Variants in OCA2 observed in about 807,000 individuals in gnomAD.
OCA2 encodes OCA2 melanosomal transmembrane protein.
OCA2 carries 77 observed loss-of-function variants against 100.2 expected under a neutral mutation model. That is an observed-to-expected ratio of 0.77 (90% CI 0.64 to 0.93). OCA2 has a LOEUF of 0.93. OCA2 is among the 40% of genes least tolerant of loss of function. The pLI is 0.00. For synonymous variants in OCA2, 432 were observed against 439.2 expected, an observed-to-expected ratio of 0.98 and a Z score of 0.21; for missense variants, 1,062 against 1,089.1, an observed-to-expected ratio of 0.98 and a Z score of 0.35.
chr15:27,742,645 A>G, the OCA2 span, among the ~76,000 whole-genome samples: 2 of 152,348 alleles, frequency 1.3e-5, no homozygotes, highest in African/African-American at 4.8e-5. Flanking sequence ...GGAAAGGATG[A>G]GCTGAAGAGA....
chr15:27,801,550 CA>C (rs34636608), intron 23 of OCA2, among the ~76,000 whole-genome samples: 1,918 of 37,704 alleles, frequency 0.051, 4 homozygotes, highest in African/African-American at 0.076. Flanking sequence ...GACTCGGTCT[CA>C]AAAAAAAAAA....
intron 23 of OCA2, among the ~76,000 whole-genome samples, chr15:27,831,284 CAAAAAAAA>C (rs71132824): frequency 4.8e-5 from 3 of 62,618 alleles, no homozygotes; most frequent in South Asian, 1.1e-3. Flanking sequence ...GACTCCGTCT[CAAAAAAAA>C]AAAAAAAAAA....
intron 23 of OCA2, among the ~76,000 whole-genome samples, chr15:27,813,652 C>A (rs989425007): frequency 1.3e-5 from 2 of 152,204 alleles, no homozygotes; most frequent in Non-Finnish European, 2.9e-5. Flanking sequence ...CATCGGATCA[C>A]TCAGTTCATA....
Position 27,836,677 on chromosome 15 carries a change from C to G in OCA2, c.2432+8282G>C, listed in dbSNP as rs180962919. ...AAATATGAATGTCTGCCTGGCTACC[C>G]TTGAAGCAGCAGACAGAATGAGGGC... On this transcript the variant is annotated intron_variant, in intron 23 of 23. Transcript: ENST00000354638. 2.6e-5 allele frequency among the ~76,000 whole-genome samples: 4 copies of G among 152,302 alleles called. No homozygotes were observed. The South Asian group carries it at 8.3e-4, about 32-fold the overall frequency.
intron 19 of OCA2, among the ~76,000 whole-genome samples, chr15:27,915,187 T>C (rs1330589202): frequency 6.6e-6 from 1 of 152,086 alleles, no homozygotes; most frequent in African/African-American, 2.4e-5. Context: ...ACCCCTTCCT[T>C]CCATCACATA....
the OCA2 span, among the ~76,000 whole-genome samples, chr15:27,719,954 C>T: frequency 6.6e-6 from 1 of 152,164 alleles, no homozygotes; most frequent in South Asian, 2.1e-4. Flanking sequence ...TAATCTGATT[C>T]TCTCCCAAAC....
At chr15:27,993,659 C>T (rs1203749717) in intron 9 of OCA2, among the ~76,000 whole-genome samples, 3 of 152,166 alleles carry the variant, frequency 2.0e-5, no homozygotes, top group South Asian at 2.1e-4. Context: ...CCCACTGCCA[C>T]CATCAACACC....
At chr15:28,092,535 T>G (rs78141428) in intron 1 of OCA2, among the ~76,000 whole-genome samples, 2 of 152,116 alleles carry the variant, frequency 1.3e-5, no homozygotes, top group Non-Finnish European at 2.9e-5. Flanking sequence ...TTATTTTTAG[T>G]AGAGATGGGG....
At chr15:27,917,490 T>G (rs893891250) in intron 19 of OCA2, among the ~76,000 whole-genome samples, 1 of 152,142 alleles carries the variant, frequency 6.6e-6, no homozygotes, top group Non-Finnish European at 1.5e-5. Flanking sequence ...GAAGAGTCCT[T>G]CCTGGACTGG....
intron 23 of OCA2, among the ~76,000 whole-genome samples, chr15:27,805,875 G>A (rs1420285359): frequency 6.6e-6 from 1 of 152,098 alleles, no homozygotes; most frequent in Non-Finnish European, 1.5e-5. Flanking sequence ...GGATTCAAAG[G>A]CCACAGGGCA....
the OCA2 span, among the ~76,000 whole-genome samples, chr15:27,720,205 G>A: frequency 3.2e-4 from 49 of 151,880 alleles, no homozygotes; most frequent in African/African-American, 1.1e-3. Context: ...TCTGAAACAA[G>A]ATAAAAATCC....
At chr15:27,887,366 C>T (rs2037265507) in intron 19 of OCA2, among the ~76,000 whole-genome samples, 1 of 151,650 alleles carries the variant, frequency 6.6e-6, no homozygotes, top group Non-Finnish European at 1.5e-5. Flanking sequence ...GCTAGGTGGG[C>T]TTGTTCCTCC....
rs542288452 is a variant in OCA2, at chr15:27,889,798, A to G, written c.2080-17876T>C. Among the ~76,000 whole-genome samples the G allele has an allele frequency of 3.9e-5, 6 of 152,320 alleles. No homozygotes were observed. The South Asian group carries it at 1.2e-3, about 32-fold the overall frequency. ...TTTGGTCACTGGCTCTAACTGGTCCATGGACAGGCTGGACAGCATCAAGGT... is the reference window on the plus strand; with the variant it reads ...TTTGGTCACTGGCTCTAACTGGTCCGTGGACAGGCTGGACAGCATCAAGGT... On this transcript the variant is annotated intron_variant, in intron 19 of 23. Transcript: ENST00000354638.
chr15:27,978,563 C>T (rs897823189), intron 14 of OCA2, among the ~76,000 whole-genome samples: 4 of 152,200 alleles, frequency 2.6e-5, no homozygotes, highest in Non-Finnish European at 1.5e-5. Context: ...ATTCTTTGCT[C>T]TGCAGTCTAC....
intron 9 of OCA2, among the ~76,000 whole-genome samples, chr15:28,005,732 T>C (rs957898128): frequency 6.6e-6 from 1 of 152,178 alleles, no homozygotes; most frequent in Non-Finnish European, 1.5e-5. Flanking sequence ...ATTGGCATAA[T>C]CACTCTGCAA....
the OCA2 span, among the ~76,000 whole-genome samples, chr15:27,723,803 A>G: frequency 1.2e-4 from 18 of 152,198 alleles, no homozygotes; most frequent in Non-Finnish European, 2.2e-4. Flanking sequence ...TGTTCACAGT[A>G]AATTCTGAAA....
At chr15:27,819,740 G>A (rs1430894875) in intron 23 of OCA2, among the ~76,000 whole-genome samples, 2 of 152,016 alleles carry the variant, frequency 1.3e-5, no homozygotes, top group African/African-American at 4.8e-5. Flanking sequence ...ATACAAACTA[G>A]TATATACACA....
chr15:27,762,255 G>C (rs188778203), intron 23 of OCA2, among the ~76,000 whole-genome samples: 12 of 152,006 alleles, frequency 7.9e-5, no homozygotes, highest in Middle Eastern at 3.4e-3. Context: ...AGACAGAGTA[G>C]ACACAGGACT....
At chr15:28,002,563 G>A (rs1326968816) in intron 9 of OCA2, among the ~76,000 whole-genome samples, 1 of 152,180 alleles carries the variant, frequency 6.6e-6, no homozygotes, top group East Asian at 1.9e-4. Flanking sequence ...GGAGGAGATT[G>A]TGTACCTGGT....
Sources: allele counts gnomAD v4.1 joint callset (sites outside exome capture counted in the v4.1 genomes callset), GRCh38; gene constraint gnomAD v4.1.1; transcripts MANE v1.5; gene names NCBI Gene and HGNC (gene_info 2026-07-23, HGNC 2026-07-21).